Variants in CPA5 observed in about 807,000 individuals in gnomAD.
CPA5 encodes carboxypeptidase A5.
A neutral mutation model predicts 52.2 loss-of-function variants in CPA5; 38 were observed. That is an observed-to-expected ratio of 0.73 (90% CI 0.56 to 0.95). CPA5 has a LOEUF of 0.95. Ranked by LOEUF, CPA5 falls within the 40% of genes least tolerant of loss-of-function variation. The probability of loss-of-function intolerance (pLI) is 0.00; values close to 1 mark genes in which losing one functional copy is unlikely to be tolerated. For synonymous variants in CPA5, 198 were observed against 213.7 expected, an observed-to-expected ratio of 0.93 and a Z score of 0.64; for missense variants, 519 against 566.7, an observed-to-expected ratio of 0.92 and a Z score of 0.86.
intron 5 of CPA5, among the ~76,000 whole-genome samples, chr7:130,357,516 G>C (rs1355523137): frequency 1.3e-5 from 2 of 151,936 alleles, no homozygotes; most frequent in Non-Finnish European, 2.9e-5. Flanking sequence ...CCAGCTACTC[G>C]GGAGGCAGAG....
At chr7:130,346,263 T>C in intron 2 of CPA5, 130 bp from the exon 3 acceptor site, 1 of 433,540 alleles carries the variant, frequency 2.3e-6, no homozygotes, top group South Asian at 6.5e-5. Flanking sequence ...GTCTTCCTCC[T>C]TCTCTCTTCC....
intron 4 of CPA5, among the ~76,000 whole-genome samples, chr7:130,349,036 A>G (rs1554403132): frequency 6.6e-6 from 1 of 152,006 alleles, no homozygotes; most frequent in African/African-American, 2.4e-5. Flanking sequence ...CCCTTATTCG[A>G]CTTAATAATG....
At chr7:130,356,251 AC>A (rs1795469546) in intron 5 of CPA5, among the ~76,000 whole-genome samples, 1 of 152,076 alleles carries the variant, frequency 6.6e-6, no homozygotes, top group Non-Finnish European at 1.5e-5. Flanking sequence ...CCCCTGCCCA[AC>A]CCGGGAGGAC....
At chr7:130,370,930 G>A (rs183887810), downstream of CPA5, among the ~76,000 whole-genome samples, 1 of 152,318 alleles carries the variant, frequency 6.6e-6, no homozygotes, top group Admixed American at 6.5e-5. Context: ...GTTGGGCCTT[G>A]GGTCTCCCCA....
rs375825907 is a variant in CPA5, at chr7:130,360,630, C to G, written c.433-513C>G. 1.1e-3 allele frequency among the ~76,000 whole-genome samples: 167 copies of G among 152,308 alleles called. 1 individual carries two copies. The highest frequency in any genetic ancestry group is 3.8e-3 in the African/African-American group (156 of 41,556). ...TTTCATATATTTGTTAATTCAATTACATGTATTGAAAGAACAAGAGAATGA... is the reference window on the plus strand; with the variant it reads ...TTTCATATATTTGTTAATTCAATTAGATGTATTGAAAGAACAAGAGAATGA... On this transcript the variant is annotated intron_variant, in intron 6 of 12. Coordinates refer to ENST00000474905, the MANE Select transcript of CPA5 (RefSeq NM_080385.5).
Position 130,367,537 on chromosome 7 carries a change from G to A in CPA5, c.1004G>A (p.Arg335Gln), listed in dbSNP as rs1796164061. The change falls in exon 11 of 13, where the codon CGA becomes CAA. Residue 335 changes from arginine to glutamine, a missense_variant. Transcript: ENST00000474905. Reference sequence around the variant, plus strand: ...CAGATGCTTATGTACCCTTACGGCCGATTGCTGGAGCCCGTTTCAAATCAG... The same window carrying A: ...CAGATGCTTATGTACCCTTACGGCCAATTGCTGGAGCCCGTTTCAAATCAG... ...YSQMLMYPYG[R>Q]LLEPVSNQRE... The A allele has an allele frequency of 1.9e-6, 3 of 1,614,062 alleles. No individual in the cohort carries two copies. The highest frequency in any genetic ancestry group is 2.2e-5 in the South Asian group (2 of 91,072).
In CPA5 at chr7:130,363,492, G is replaced by A. The variant is rs1554407416; in HGVS notation, c.821G>A (p.Trp274Ter). Reference protein sequence around the residue: ...FCIGVDLNRNWKSGFGGNGSN... With the variant: ...FCIGVDLNRN Reference sequence around the variant, plus strand: ...ATCGGCGTGGATCTCAACAGGAACTGGAAGTCGGGTTTTGGAGGTATGGCA... The same window carrying A: ...ATCGGCGTGGATCTCAACAGGAACTAGAAGTCGGGTTTTGGAGGTATGGCA... Residue 274 changes from tryptophan to a stop codon, truncating the protein, a stop_gained, in exon 10 of 13, where the codon TGG becomes TAG. Transcript: ENST00000474905. LOFTEE classifies it high-confidence loss of function. 6.3e-7 allele frequency: 1 copy of A among 1,586,024 alleles called. No individual in the cohort carries two copies. Among genetic ancestry groups the A allele is most frequent in the South Asian group, 1.2e-5 (1 of 86,374 alleles).
chr7:130,371,667 C>G (rs1796295848), downstream of CPA5, among the ~76,000 whole-genome samples: 2 of 151,972 alleles, frequency 1.3e-5, no homozygotes, highest in Admixed American at 1.3e-4. Context: ...AAGTGATTCT[C>G]CTGCCTCAGC....
intron 6 of CPA5, among the ~76,000 whole-genome samples, chr7:130,359,908 C>T (rs1393535641): frequency 7.2e-5 from 11 of 152,228 alleles, no homozygotes; most frequent in Non-Finnish European, 5.9e-5. Context: ...AGTAGTTCAA[C>T]TGTACAGCCC....
At chr7:130,365,264 G>A (rs1554407914) in intron 10 of CPA5, among the ~76,000 whole-genome samples, 2 of 152,154 alleles carry the variant, frequency 1.3e-5, no homozygotes, top group African/African-American at 4.8e-5. Context: ...GCTTGCCTCA[G>A]GGGGGGCATC....
At chr7:130,353,243 C>T (rs1458570391) in intron 5 of CPA5, among the ~76,000 whole-genome samples, 3 of 151,304 alleles carry the variant, frequency 2.0e-5, no homozygotes, top group Non-Finnish European at 4.4e-5. Flanking sequence ...CCCTGTCCGC[C>T]AGCAGGCTGC....
rs560232706 is a variant in CPA5 at position 130,366,013 on chromosome 7, C to T, written c.839-1359C>T. On this transcript the variant is annotated intron_variant, in intron 10 of 12. Transcript: ENST00000474905. ...AGGACCACCAAACCGAGAAGGGGCGCGCTCCCTGGGCCTCCCTGGGGCCAG... is the reference window on the plus strand; with the variant it reads ...AGGACCACCAAACCGAGAAGGGGCGTGCTCCCTGGGCCTCCCTGGGGCCAG... Among the ~76,000 whole-genome samples, 21 of 152,326 alleles carry T rather than the reference C, an allele frequency of 1.4e-4. 1 individual carries two copies. The highest frequency in any genetic ancestry group is 4.1e-4 in the South Asian group (2 of 4,824).
chr7:130,370,182 G>C (rs1326530116), downstream of CPA5, among the ~76,000 whole-genome samples: 2 of 152,226 alleles, frequency 1.3e-5, no homozygotes, highest in Non-Finnish European at 2.9e-5. Context: ...CATTGGCTGG[G>C]CATGCAGATG....
intron 9 of CPA5, 110 bp from the exon 10 acceptor site, chr7:130,363,309 C>T: frequency 1.2e-6 from 1 of 831,056 alleles, no homozygotes; most frequent in Non-Finnish European, 1.9e-6. Context: ...CTTCCCTTTG[C>T]TCCTCCCTGC....
At chr7:130,365,062 A>G (rs1796003449) in intron 10 of CPA5, among the ~76,000 whole-genome samples, 1 of 152,212 alleles carries the variant, frequency 6.6e-6, no homozygotes, top group Non-Finnish European at 1.5e-5. Flanking sequence ...AACCAATGAG[A>G]TAGAACATTT....
Position 130,363,439 on chromosome 7 carries a change from CA to C in CPA5, c.770del (p.Lys257SerfsTer50). The C allele has an allele frequency of 6.3e-7, 1 of 1,575,422 alleles. No individual in the cohort carries two copies. The highest frequency in any genetic ancestry group is 8.6e-7 in the Non-Finnish European group (1 of 1,159,664). Reference sequence around the variant, plus strand: ...CCCAGAACCGCTTATGGCGGAAGAACAAGTCCATCAGACCTGGAATCTTCTG... The same window carrying C: ...CCCAGAACCGCTTATGGCGGAAGAACAGTCCATCAGACCTGGAATCTTCTG... ...HSMNRLWRKN[K>X]SIRPGIFCIG... On this transcript the variant is annotated frameshift_variant, in exon 10 of 13. Coordinates refer to ENST00000474905, the MANE Select transcript of CPA5 (RefSeq NM_080385.5). LOFTEE classifies it high-confidence loss of function.
intron 12 of CPA5, 36 bp downstream of exon 12, chr7:130,368,026 A>C: frequency 5.1e-6 from 8 of 1,576,484 alleles, no homozygotes; most frequent in Middle Eastern, 1.7e-4. Flanking sequence ...TTCAGACACC[A>C]CATCTACCTG....
At chr7:130,367,293 AAC>A (rs1387595958) in intron 10 of CPA5, 77 bp from the exon 11 acceptor site, 32 of 1,249,150 alleles carry the variant, frequency 2.6e-5, no homozygotes, top group Non-Finnish European at 3.7e-5. Flanking sequence ...AATGTAGGGG[AAC>A]ACACAGGTAT....
At chr7:130,346,060 A>C (rs559970863) in intron 2 of CPA5, among the ~76,000 whole-genome samples, 164 bp downstream of exon 2, 12 of 152,178 alleles carry the variant, frequency 7.9e-5, no homozygotes, top group Non-Finnish European at 1.5e-4. Flanking sequence ...TGTAAGGAGG[A>C]TATGGCCCAG....
Sources: allele counts gnomAD v4.1 joint callset (sites outside exome capture counted in the v4.1 genomes callset), GRCh38; gene constraint gnomAD v4.1.1; transcripts MANE v1.5; gene names NCBI Gene and HGNC (gene_info 2026-07-23, HGNC 2026-07-21).